ANKRD44: variants seen among roughly 807,000 people sequenced by gnomAD.
ANKRD44 encodes serine/threonine-protein phosphatase 6 regulatory ankyrin repeat subunit B.
In ANKRD44, 35 loss-of-function variants were observed where a neutral mutation model predicts 116.0. That is an observed-to-expected ratio of 0.30 (90% confidence interval 0.23 to 0.40). The LOEUF is 0.40. Among genes scored for constraint, ANKRD44 ranks in the 10% least tolerant of loss-of-function variants. ANKRD44 has a pLI of 1.00. For missense variants in ANKRD44, 1,014 were observed against 1,242.6 expected (o/e 0.82, Z 2.77); for synonymous variants, 435 against 461.8 (o/e 0.94, Z 0.74).
In ANKRD44 at chr2:197,257,053, A is replaced by G. The variant is rs1262686240; in HGVS notation, c.27+53525T>C. On this transcript the variant is annotated intron_variant, in intron 1 of 27. Coordinates refer to ENST00000282272, the MANE Select transcript of ANKRD44 (RefSeq NM_001195144.2). ...ATCTTCAAAAAAAAAATGGAAGAATAGGTGAAAACACCAATCCAATCCCCA... is the reference window on the plus strand; with the variant it reads ...ATCTTCAAAAAAAAAATGGAAGAATGGGTGAAAACACCAATCCAATCCCCA... Among the ~76,000 whole-genome samples, 3 of 152,234 alleles carry G rather than the reference A, an allele frequency of 2.0e-5. No individual in the cohort carries two copies. The East Asian group carries it at 5.8e-4, about 29-fold the overall frequency.
chr2:197,256,650 G>C (rs1175767873), intron 1 of ANKRD44, among the ~76,000 whole-genome samples: 1 of 152,108 alleles, frequency 6.6e-6, no homozygotes. Context: ...TCCCAAGAAG[G>C]CTTCATGTAT....
chr2:197,305,967 T>TTATATATATATATATATATATA (rs374313668), intron 1 of ANKRD44, among the ~76,000 whole-genome samples: 107 of 124,684 alleles, frequency 8.6e-4, no homozygotes, highest in Non-Finnish European at 9.9e-4. Flanking sequence ...GCAGTTCGTT[T>TTATATATATATATATATATATA]TATATATATA....
rs995756788 is a variant in ANKRD44 at position 197,097,894 on chromosome 2, C to A, written c.1100+1922G>T. On this transcript the variant is annotated intron_variant, in intron 10 of 27. Coordinates refer to ENST00000282272, the MANE Select transcript of ANKRD44 (RefSeq NM_001195144.2). ...CGAAGCCCTTTGAGATGTGGCTCTT[C>A]CAGCCTTTCCTCCTCATTTCTTTCC... 2.6e-5 allele frequency among the ~76,000 whole-genome samples: 4 copies of A among 152,168 alleles called. 1 individual carries two copies. Among genetic ancestry groups the A allele is most frequent in the African/African-American group, 9.7e-5 (4 of 41,438 alleles).
At chr2:197,257,052 T>G (rs116247686) in intron 1 of ANKRD44, among the ~76,000 whole-genome samples, 1,686 of 152,200 alleles carry the variant, frequency 0.011, 16 homozygotes, top group Non-Finnish European at 0.014. Context: ...AATGGAAGAA[T>G]AGGTGAAAAC....
At chr2:197,211,591 G>A (rs1026364992) in intron 1 of ANKRD44, among the ~76,000 whole-genome samples, 2 of 152,038 alleles carry the variant, frequency 1.3e-5, no homozygotes, top group African/African-American at 4.8e-5. Flanking sequence ...AATGTCTTTA[G>A]TTAACTAACT....
chr2:197,136,869 A>G (rs1006323320), intron 3 of ANKRD44, among the ~76,000 whole-genome samples: 3 of 152,242 alleles, frequency 2.0e-5, no homozygotes, highest in Admixed American at 6.5e-5. Flanking sequence ...GACTAGCCAG[A>G]TATTTTGGTA....
At chr2:197,090,099 C>A in intron 10 of ANKRD44, 67 bp from the exon 11 acceptor site, 2 of 1,229,144 alleles carry the variant, frequency 1.6e-6, no homozygotes, top group Non-Finnish European at 2.4e-6. Context: ...AGGACAATTA[C>A]CTTTCTAGAT....
chr2:197,217,085 C>A (rs2081465110), intron 1 of ANKRD44, among the ~76,000 whole-genome samples: 1 of 152,126 alleles, frequency 6.6e-6, no homozygotes, highest in South Asian at 2.1e-4. Context: ...TCACTGTTTG[C>A]CAACTGAGTC....
intron 1 of ANKRD44, among the ~76,000 whole-genome samples, chr2:197,224,871 A>T (rs2081666572): frequency 6.6e-6 from 1 of 152,208 alleles, no homozygotes; most frequent in East Asian, 1.9e-4. Context: ...CACATTTCCT[A>T]GTTGAATTAT....
chr2:197,168,886 A>T (rs980121049), intron 2 of ANKRD44, among the ~76,000 whole-genome samples: 1 of 151,946 alleles, frequency 6.6e-6, no homozygotes, highest in Non-Finnish European at 1.5e-5. Flanking sequence ...CAGGCACATC[A>T]TTTCTGCCCT....
At chr2:196,991,992 T>G (rs193084098) in intron 27 of ANKRD44, among the ~76,000 whole-genome samples, 38 of 152,220 alleles carry the variant, frequency 2.5e-4, no homozygotes, top group Non-Finnish European at 4.7e-4. Flanking sequence ...TAGAACCATG[T>G]TATTCTCATT....
At chr2:197,069,258 T>C (rs537934633) in intron 16 of ANKRD44, among the ~76,000 whole-genome samples, 2 of 151,706 alleles carry the variant, frequency 1.3e-5, no homozygotes, top group African/African-American at 4.8e-5. Context: ...ATGAGAAAAC[T>C]TGGACACAGG....
intron 1 of ANKRD44, among the ~76,000 whole-genome samples, chr2:197,216,838 G>T (rs1295137822): frequency 6.9e-6 from 1 of 144,814 alleles, no homozygotes; most frequent in Admixed American, 7.0e-5. Flanking sequence ...CAGAAGGCAG[G>T]GTCTGGCTTT....
At chr2:196,979,594 G>C (rs377300528) in intron 21 of ANKRD44, among the ~76,000 whole-genome samples, 1 of 110,400 alleles carries the variant, frequency 9.1e-6, no homozygotes, top group Admixed American at 1.1e-4. Context: ...ACAGAGTTTG[G>C]CTCTTGTTGC....
intron 17 of ANKRD44, among the ~76,000 whole-genome samples, chr2:197,017,190 T>G (rs1231799551): frequency 6.6e-6 from 1 of 152,168 alleles, no homozygotes; most frequent in Non-Finnish European, 1.5e-5. Flanking sequence ...TCAAACTTTT[T>G]AAAAAGAGAA....
At chr2:197,132,384 A>G (rs2125370838) in intron 4 of ANKRD44, among the ~76,000 whole-genome samples, 1 of 152,340 alleles carries the variant, frequency 6.6e-6, no homozygotes, top group Non-Finnish European at 1.5e-5. Context: ...TTTCTTGTCT[A>G]TGGAGGACAT....
At chr2:197,242,917 G>A (rs1279847344) in intron 1 of ANKRD44, among the ~76,000 whole-genome samples, 7 of 152,226 alleles carry the variant, frequency 4.6e-5, no homozygotes, top group Non-Finnish European at 1.0e-4. Flanking sequence ...ACAACCAGAT[G>A]TAAGGGCCAC....
intron 2 of ANKRD44, among the ~76,000 whole-genome samples, chr2:197,157,755 C>T (rs2079858050): frequency 1.3e-5 from 2 of 149,444 alleles, no homozygotes; most frequent in African/African-American, 4.9e-5. Context: ...CTAAATGAAA[C>T]CTTTGACAAA....
At chr2:197,116,243 G>A (rs2078704358) in intron 8 of ANKRD44, among the ~76,000 whole-genome samples, 1 of 152,106 alleles carries the variant, frequency 6.6e-6, no homozygotes, top group Admixed American at 6.5e-5. Flanking sequence ...GAGCATTGGT[G>A]GCATGTTTTA....
Sources: allele counts gnomAD v4.1 joint callset (sites outside exome capture counted in the v4.1 genomes callset), GRCh38; gene constraint gnomAD v4.1.1; transcripts MANE v1.5; gene names NCBI Gene and HGNC (gene_info 2026-07-23, HGNC 2026-07-21).